SI: variants seen among roughly 807,000 people sequenced by gnomAD.
The protein encoded by SI is sucrase-isomaltase, intestinal.
Under a neutral mutation model 253.3 loss-of-function variants are expected in SI, and 235 were observed. The observed-to-expected ratio is 0.93, with a 90% CI of 0.83 to 1.03. The LOEUF is 1.03. Among genes scored for constraint, SI ranks in the 50% least tolerant of loss-of-function variants. The pLI is 0.00. For missense variants in SI, 2,442 were observed against 2,211.1 expected, an observed-to-expected ratio of 1.10 and a Z score of -2.09; for synonymous variants, 819 against 712.0, an observed-to-expected ratio of 1.15 and a Z score of -2.39.
intron 26 of SI, among the ~76,000 whole-genome samples, chr3:165,023,056 A>C (rs1345905481): frequency 1.3e-5 from 2 of 151,578 alleles, no homozygotes; most frequent in Non-Finnish European, 3.0e-5. Context: ...ATAATACACA[A>C]GAAAATATCT....
intron 37 of SI, among the ~76,000 whole-genome samples, chr3:165,000,261 C>T (rs1718197707): frequency 6.6e-6 from 1 of 151,058 alleles, no homozygotes; most frequent in African/African-American, 2.4e-5. Context: ...TGAAAAACTT[C>T]TTTACTGATA....
chr3:165,041,015 A>G lies in SI; in HGVS notation c.2084T>C (p.Leu695Ser), dbSNP rs1712801308. 1 of 1,612,520 alleles carries G rather than the reference A, an allele frequency of 6.2e-7. No individual in the cohort carries two copies. Among genetic ancestry groups the G allele is most frequent in the Non-Finnish European group, 8.5e-7 (1 of 1,178,898 alleles). Reference sequence around the variant, plus strand: ...AAACAGAGTGTAGAGGAAGGGTAATAAGGTGTAGCGAATAGTTAAATACTG... The same window carrying G: ...AAACAGAGTGTAGAGGAAGGGTAATGAGGTGTAGCGAATAGTTAAATACTG... ...SRQYLTIRYTLLPFLYTLFYK... is the reference protein window; with the variant it reads ...SRQYLTIRYTSLPFLYTLFYK... The change falls in exon 18 of 48, where the codon TTA becomes TCA. Residue 695 changes from leucine to serine, a missense_variant. Coordinates refer to ENST00000264382, the MANE Select transcript of SI (RefSeq NM_001041.4).
At chr3:165,030,660 A>G (rs1482886579) in intron 25 of SI, 52 bp downstream of exon 25, 3 of 1,565,842 alleles carry the variant, frequency 1.9e-6, no homozygotes, top group African/African-American at 2.7e-5. Context: ...AATTTGCACC[A>G]AAATGCTTAT....
At chr3:165,069,564 G>A (rs1157265081) in intron 3 of SI, among the ~76,000 whole-genome samples, 1 of 151,990 alleles carries the variant, frequency 6.6e-6, no homozygotes, top group Non-Finnish European at 1.5e-5. Flanking sequence ...TATGTATCAA[G>A]CTGAAATTTA....
intron 43 of SI, among the ~76,000 whole-genome samples, chr3:164,991,831 A>G (rs192443336): frequency 4.6e-5 from 7 of 152,192 alleles, no homozygotes; most frequent in Admixed American, 4.6e-4. Context: ...AAAAGTCACA[A>G]AAGCTCTGCT....
intron 8 of SI, 84 bp from the exon 9 acceptor site, chr3:165,062,567 G>A (rs969728140): frequency 1.4e-6 from 1 of 702,350 alleles, no homozygotes; most frequent in African/African-American, 1.8e-5. Context: ...AAATTAATTT[G>A]TATTAACTAC....
intron 21 of SI, among the ~76,000 whole-genome samples, chr3:165,037,180 G>A (rs1407008456): frequency 2.0e-5 from 3 of 151,714 alleles, no homozygotes; most frequent in South Asian, 2.1e-4. Flanking sequence ...TTACTAATGC[G>A]TATCGCTAAC....
At chr3:165,053,644 CCTT>C (rs1355302525) in intron 13 of SI, among the ~76,000 whole-genome samples, 1 of 152,086 alleles carries the variant, frequency 6.6e-6, no homozygotes, top group Non-Finnish European at 1.5e-5. Context: ...TCTCAGATAA[CCTT>C]CTCTCCCACA....
upstream of SI, among the ~76,000 whole-genome samples, chr3:165,080,711 T>C (rs915121722): frequency 1.3e-5 from 2 of 151,730 alleles, no homozygotes; most frequent in East Asian, 1.9e-4. Flanking sequence ...ATGAGAACAC[T>C]TGGACACAGG....
intron 15 of SI, among the ~76,000 whole-genome samples, chr3:165,048,013 T>G (rs1206837658): frequency 6.6e-6 from 1 of 152,062 alleles, no homozygotes; most frequent in Non-Finnish European, 1.5e-5. Flanking sequence ...AAACATAGCC[T>G]GTTTTTTCTT....
intron 47 of SI, 77 bp downstream of exon 47, chr3:164,982,166 A>G (rs2108108065): frequency 9.6e-7 from 1 of 1,046,486 alleles, no homozygotes; most frequent in Non-Finnish European, 1.4e-6. Flanking sequence ...TGTTTCTTAC[A>G]GATGAGGGAT....
intron 5 of SI, among the ~76,000 whole-genome samples, chr3:165,067,829 A>C (rs944447071): frequency 6.6e-6 from 1 of 151,922 alleles, no homozygotes; most frequent in African/African-American, 2.4e-5. Flanking sequence ...AATGCTTTTC[A>C]GTGTTTGGGT....
At chr3:165,082,946 G>C (rs1476753313), upstream of SI, among the ~76,000 whole-genome samples, 2 of 151,900 alleles carry the variant, frequency 1.3e-5, no homozygotes, top group Admixed American at 6.6e-5. Context: ...GGCTAGCTTT[G>C]AATTGAATAA....
In SI at chr3:164,994,262, C is replaced by T. The variant is rs770794869; in HGVS notation, c.4836G>A (p.Leu1612=). The T allele has an allele frequency of 6.2e-7, 1 of 1,610,368 alleles. No homozygotes were observed. The highest frequency in any genetic ancestry group is 1.7e-5 in the Admixed American group (1 of 59,706). Residue 1612 remains leucine (L), a synonymous_variant, in exon 41 of 48, where the codon TTG becomes TTA. Coordinates refer to ENST00000264382, the MANE Select transcript of SI (RefSeq NM_001041.4). The part of the protein sequence containing the change: ...ANGGTVIRPL[L]HEFFDEKPTW... Reference sequence around the variant, plus strand: ...AAAACAAACTTTGTACTTACTCATGCAAAAGGGGTCGGATAACAGTGCCAC... The same window carrying T: ...AAAACAAACTTTGTACTTACTCATGTAAAAGGGGTCGGATAACAGTGCCAC...
At chr3:165,070,180 T>C (rs915829999) in intron 3 of SI, among the ~76,000 whole-genome samples, 50 of 88,716 alleles carry the variant, frequency 5.6e-4, no homozygotes, top group Middle Eastern at 5.6e-3. Flanking sequence ...TTTGATATAT[T>C]TATTTATATA....
At chr3:165,049,992 C>T (rs1713345210) in intron 13 of SI, 117 bp from the exon 14 acceptor site, 1 of 689,502 alleles carries the variant, frequency 1.5e-6, no homozygotes, top group Non-Finnish European at 2.6e-6. Context: ...CTCGTTAATT[C>T]CTAGAAGATA....
At chr3:165,074,455 G>C in intron 3 of SI, 76 bp downstream of exon 3, 1 of 876,518 alleles carries the variant, frequency 1.1e-6, no homozygotes, top group African/African-American at 1.7e-5. Flanking sequence ...AAATAAGATC[G>C]ATCCAATATT....
chr3:165,062,441 G>A lies in SI; in HGVS notation c.950C>T (p.Thr317Ile), dbSNP rs779003457. ...QPTPIVTYRV[T>I]GGILDFYILL... Reference sequence around the variant, plus strand: ...GATGTAAAAATCCAGAATGCCACCGGTAACTCTATATGTTACTATTGGAGT... The same window carrying A: ...GATGTAAAAATCCAGAATGCCACCGATAACTCTATATGTTACTATTGGAGT... Residue 317 changes from threonine to isoleucine, a missense_variant, in exon 9 of 48, where the codon ACC (threonine) becomes ATC (isoleucine). Transcript: ENST00000264382. 3 of 1,605,542 alleles carry A rather than the reference G, an allele frequency of 1.9e-6. No individual in the cohort carries two copies. Among genetic ancestry groups the A allele is most frequent in the Non-Finnish European group, 2.6e-6 (3 of 1,172,926 alleles).
Position 165,032,550 on chromosome 3 carries a change from G to T in SI, c.2708C>A (p.Ser903Tyr). ...GTTAGAAGCATCATAAGTGAAATTG[G>T]AATGAGCGTTCATTGGTTGATTATT... ...AENNQPMNAH[S>Y]NFTYDASNQV... Residue 903 changes from serine (S) to tyrosine (Y), a missense_variant, in exon 24 of 48, where the codon TCC (serine) becomes TAC (tyrosine). Ser to Tyr is a moderately radical substitution (Grantham distance 144). Coordinates refer to ENST00000264382, the MANE Select transcript of SI (RefSeq NM_001041.4). 1 of 1,608,124 alleles carries T rather than the reference G, an allele frequency of 6.2e-7. No individual in the cohort carries two copies.
Sources: allele counts gnomAD v4.1 joint callset (sites outside exome capture counted in the v4.1 genomes callset), GRCh38; gene constraint gnomAD v4.1.1; transcripts MANE v1.5; gene names NCBI Gene and HGNC (gene_info 2026-07-23, HGNC 2026-07-21).